The following PTPRT variants were observed in gnomAD, a reference collection of about 807,000 sequenced individuals.
PTPRT encodes protein tyrosine phosphatase receptor type T, also known as receptor-type tyrosine-protein phosphatase T.
A neutral mutation model predicts 176.8 loss-of-function variants in PTPRT; 56 were observed. That is an observed-to-expected ratio of 0.32 (90% CI 0.26 to 0.40). The LOEUF is 0.40. Among genes scored for constraint, PTPRT ranks in the 10% least tolerant of loss-of-function variants. PTPRT has a pLI of 1.00. For missense variants in PTPRT, 1,540 were observed against 1,908.2 expected, an observed-to-expected ratio of 0.81 and a Z score of 3.60; for synonymous variants, 783 against 739.0, an observed-to-expected ratio of 1.06 and a Z score of -0.96.
intron 21 of PTPRT, among the ~76,000 whole-genome samples, chr20:42,116,384 T>C (rs1053412059): frequency 6.6e-6 from 1 of 152,152 alleles, no homozygotes; most frequent in African/African-American, 2.4e-5. Flanking sequence ...GAAACACTGG[T>C]ATAGTGCAAC....
At chr20:42,595,031 G>A (rs1214115799) in intron 7 of PTPRT, among the ~76,000 whole-genome samples, 1 of 152,060 alleles carries the variant, frequency 6.6e-6, no homozygotes, top group Non-Finnish European at 1.5e-5. Context: ...AAGTAATGTT[G>A]GTCAGAACTC....
chr20:42,407,118 G>T (rs1031608967), intron 9 of PTPRT, among the ~76,000 whole-genome samples: 3 of 152,152 alleles, frequency 2.0e-5, no homozygotes, highest in Non-Finnish European at 2.9e-5. Context: ...AAGACTATGG[G>T]CGTACCAATC....
At chr20:42,063,925 A>G in the PTPRT span, 2 of 152,130 alleles carry the variant, frequency 1.3e-5, no homozygotes, top group Admixed American at 6.6e-5. Context: ...TGAACACTTC[A>G]GTTCTTAAAC....
chr20:42,527,751 G>A (rs1021626098), intron 7 of PTPRT, among the ~76,000 whole-genome samples: 25 of 152,278 alleles, frequency 1.6e-4, no homozygotes, highest in African/African-American at 5.8e-4. Flanking sequence ...TTGTAATTAG[G>A]TTGTCTGGAA....
intron 9 of PTPRT, among the ~76,000 whole-genome samples, chr20:42,407,374 C>T (rs1422213498): frequency 6.6e-6 from 1 of 152,134 alleles, no homozygotes; most frequent in Non-Finnish European, 1.5e-5. Context: ...TCACTTTTCA[C>T]TGGAGTCAAT....
At chr20:42,753,612 G>T (rs572908098) in intron 6 of PTPRT, among the ~76,000 whole-genome samples, 10 of 152,298 alleles carry the variant, frequency 6.6e-5, no homozygotes, top group African/African-American at 2.4e-4. Context: ...CTGCAGGTGA[G>T]TGGCTTCAGA....
intron 7 of PTPRT, among the ~76,000 whole-genome samples, chr20:42,557,581 A>AT (rs1601260623): frequency 6.6e-6 from 1 of 152,086 alleles, no homozygotes; most frequent in Non-Finnish European, 1.5e-5. Context: ...CCTTCTCACC[A>AT]TTTTTTTAAT....
At chr20:42,466,043 G>C (rs2071097088) in intron 8 of PTPRT, among the ~76,000 whole-genome samples, 1 of 152,162 alleles carries the variant, frequency 6.6e-6, no homozygotes, top group South Asian at 2.1e-4. Context: ...GTCTGTTCCT[G>C]TGTTAGTCTG....
At chr20:42,563,560 C>A (rs908743460) in intron 7 of PTPRT, among the ~76,000 whole-genome samples, 7 of 152,082 alleles carry the variant, frequency 4.6e-5, no homozygotes, top group Non-Finnish European at 1.0e-4. Flanking sequence ...CTGTTCATAA[C>A]AGAAGTGCAT....
At chr20:42,696,956 C>A (rs2075889581) in intron 6 of PTPRT, among the ~76,000 whole-genome samples, 1 of 152,096 alleles carries the variant, frequency 6.6e-6, no homozygotes, top group African/African-American at 2.4e-5. Context: ...ATAAATGTTT[C>A]TTAAGGCACT....
chr20:42,827,441 C>T (rs2078014044), intron 2 of PTPRT, among the ~76,000 whole-genome samples: 1 of 151,896 alleles, frequency 6.6e-6, no homozygotes, highest in Non-Finnish European at 1.5e-5. Flanking sequence ...AACAATATGC[C>T]CCTGAATAAG....
intron 7 of PTPRT, among the ~76,000 whole-genome samples, chr20:42,637,637 T>C (rs1195649472): frequency 1.3e-5 from 2 of 152,160 alleles, no homozygotes; most frequent in East Asian, 3.9e-4. Flanking sequence ...AAATTTTTCA[T>C]ATCATTTTCA....
chr20:42,898,804 C>T (rs1161025101), intron 1 of PTPRT, among the ~76,000 whole-genome samples: 1 of 152,036 alleles, frequency 6.6e-6, no homozygotes, highest in African/African-American at 2.4e-5. Context: ...GGAGAAAGTG[C>T]GATGAAAGAA....
At chr20:42,170,017 A>G (rs187795497) in intron 16 of PTPRT, among the ~76,000 whole-genome samples, 1 of 152,322 alleles carries the variant, frequency 6.6e-6, no homozygotes, top group African/African-American at 2.4e-5. Flanking sequence ...GAAGGCTTCT[A>G]GGAAAGGTTC....
chr20:42,652,085 A>G (rs1235363418), intron 7 of PTPRT, among the ~76,000 whole-genome samples: 1 of 152,024 alleles, frequency 6.6e-6, no homozygotes, highest in African/African-American at 2.4e-5. Context: ...AAAAACAAAA[A>G]AAAAAAGGAA....
chr20:42,637,426 T>C (rs1383542671), intron 7 of PTPRT, among the ~76,000 whole-genome samples: 1 of 152,152 alleles, frequency 6.6e-6, no homozygotes, highest in Non-Finnish European at 1.5e-5. Flanking sequence ...GATCCTTACA[T>C]ATGCCAAGCT....
Position 42,079,243 on chromosome 20 carries a change from T to A in PTPRT, c.*1636A>T, listed in dbSNP as rs1333353859. The stretch of plus-strand genomic sequence containing the variant: ...TAAAATATATCTGAAATTCTGCGCT[T>A]CCCAGAAGAACTGGCATCAGGAAGA... On this transcript the variant is annotated 3_prime_UTR_variant, in exon 31 of 31. Transcript: ENST00000373187. 4.8e-6 allele frequency: 1 copy of A among 208,138 alleles called. No homozygotes were observed. The highest frequency in any genetic ancestry group is 1.9e-4 in the South Asian group (1 of 5,294). 12.9% of individuals were successfully genotyped at this position (208,138 alleles called of 1,614,324 possible).
Position 42,352,052 on chromosome 20 carries a change from C to G in PTPRT, c.1762+32G>C, listed in dbSNP as rs762527122. 6 of 1,597,980 alleles carry G rather than the reference C, an allele frequency of 3.8e-6. No individual in the cohort carries two copies. The Admixed American group carries it at 1.0e-4, about 27-fold the overall frequency. On this transcript the variant is annotated intron_variant, in intron 10 of 30. Transcript: ENST00000373187. ...AATCAGGAAGTGGGGGTGAAACAAC[C>G]TTTTTTCCTTTTTCCTTTCTAGCAG...
chr20:43,183,259 A>G (rs2015311337), intron 1 of PTPRT, among the ~76,000 whole-genome samples: 1 of 152,200 alleles, frequency 6.6e-6, no homozygotes, highest in African/African-American at 2.4e-5. Context: ...ACAACAAACT[A>G]TTTTGGAAAC....
Sources: gnomAD v4.1 joint callset for allele counts (sites outside exome capture counted in the v4.1 genomes callset) on GRCh38, gnomAD v4.1.1 for gene constraint, MANE v1.5 for transcripts, NCBI Gene and HGNC (gene_info 2026-07-23, HGNC 2026-07-21) for gene names.